Variants in SPAG16 observed in about 807,000 individuals in gnomAD.
The protein encoded by SPAG16 is sperm-associated antigen 16 protein.
In SPAG16, 86 loss-of-function variants were observed where a neutral mutation model predicts 80.4. The observed-to-expected ratio is 1.07, with a 90% CI of 0.90 to 1.28. The LOEUF is 1.28. Ranked by LOEUF, SPAG16 falls within the 50% of genes most tolerant of loss-of-function variation. The probability of loss-of-function intolerance (pLI) is 0.00; values close to 1 mark genes in which losing one functional copy is unlikely to be tolerated. For synonymous variants in SPAG16, 294 were observed against 265.9 expected, an observed-to-expected ratio of 1.11 and a Z score of -1.03; for missense variants, 870 against 765.3, an observed-to-expected ratio of 1.14 and a Z score of -1.61.
chr2:213,589,921 CAAA>C (rs35341781), intron 10 of SPAG16, among the ~76,000 whole-genome samples: 6 of 138,718 alleles, frequency 4.3e-5, no homozygotes, highest in Admixed American at 7.3e-5. Context: ...AACTCCATCT[CAAA>C]AAAAAAAAAA....
At chr2:213,975,609 A>G (rs1219099626) in intron 12 of SPAG16, among the ~76,000 whole-genome samples, 1 of 152,008 alleles carries the variant, frequency 6.6e-6, no homozygotes, top group East Asian at 1.9e-4. Context: ...TATCAATAAT[A>G]ATGTAGCGGG....
chr2:213,906,062 G>A (rs958212179), intron 11 of SPAG16, among the ~76,000 whole-genome samples: 1 of 152,086 alleles, frequency 6.6e-6, no homozygotes, highest in Admixed American at 6.6e-5. Flanking sequence ...ACCAGCAACA[G>A]ACAGGAAGGT....
At chr2:213,842,159 C>A (rs1048077881) in intron 10 of SPAG16, among the ~76,000 whole-genome samples, 2 of 151,942 alleles carry the variant, frequency 1.3e-5, no homozygotes, top group African/African-American at 2.4e-5. Context: ...ATTTTCTTTC[C>A]TGAATTCACA....
At chr2:214,073,641 T>A (rs887450614) in intron 13 of SPAG16, among the ~76,000 whole-genome samples, 1 of 152,182 alleles carries the variant, frequency 6.6e-6, no homozygotes, top group Non-Finnish European at 1.5e-5. Context: ...TCTATAAATT[T>A]AGTGAAATAC....
At chr2:213,724,125 A>G (rs1477852961) in intron 10 of SPAG16, among the ~76,000 whole-genome samples, 1 of 152,180 alleles carries the variant, frequency 6.6e-6, no homozygotes, top group African/African-American at 2.4e-5. Context: ...CCAAGTAACT[A>G]TTTTTACTTG....
At chr2:214,053,437 C>G (rs1188759931) in intron 13 of SPAG16, among the ~76,000 whole-genome samples, 2 of 152,156 alleles carry the variant, frequency 1.3e-5, no homozygotes, top group Non-Finnish European at 2.9e-5. Flanking sequence ...TACCATATCT[C>G]AGACCCTTTG....
chr2:214,124,474 A>T (rs1433998916), intron 14 of SPAG16, among the ~76,000 whole-genome samples: 3 of 151,876 alleles, frequency 2.0e-5, no homozygotes, highest in Non-Finnish European at 4.4e-5. Flanking sequence ...AGTATAAAAA[A>T]CTACATGTAT....
chr2:214,221,604 ATTTGTTTTTTTGAATGCATCTC>A (rs1404834667), intron 15 of SPAG16, among the ~76,000 whole-genome samples: 1 of 152,128 alleles, frequency 6.6e-6, no homozygotes, highest in African/African-American at 2.4e-5. Flanking sequence ...AAGAGTAAAT[ATTTGTTTTTTTGAATGCATCTC>A]TTTAGCTTTT....
Position 213,340,047 on chromosome 2 carries a change from A to G in SPAG16, c.537-116A>G, listed in dbSNP as rs1388775816. 7.5e-6 allele frequency: 5 copies of G among 664,502 alleles called. No homozygotes were observed. The Admixed American group carries it at 1.2e-4, about 16-fold the overall frequency. The allele number at this position is 664,502 out of a possible 1,614,324, so 41.2% of individuals were successfully genotyped here. ...GAATCTTCGATGAGAATTATAGCAA[A>G]ATATTTGTTTTCCTATTATCTTTTG... On this transcript the variant is annotated intron_variant, in intron 5 of 15. Coordinates refer to ENST00000331683, the MANE Select transcript of SPAG16 (RefSeq NM_024532.5).
At chr2:213,956,479 A>G (rs1263579232) in intron 12 of SPAG16, among the ~76,000 whole-genome samples, 2 of 122,342 alleles carry the variant, frequency 1.6e-5, no homozygotes, top group Admixed American at 2.0e-4. Context: ...GCAGGGTCTC[A>G]CTCTGTCACC....
At chr2:213,675,457 G>C (rs2064013074) in intron 10 of SPAG16, among the ~76,000 whole-genome samples, 1 of 152,120 alleles carries the variant, frequency 6.6e-6, no homozygotes, top group Non-Finnish European at 1.5e-5. Flanking sequence ...TGAAGTCCTT[G>C]CCCATGCCTA....
intron 9 of SPAG16, among the ~76,000 whole-genome samples, chr2:213,390,146 C>A (rs2067666483): frequency 6.6e-6 from 1 of 152,092 alleles, no homozygotes; most frequent in Admixed American, 6.5e-5. Context: ...AAGACAAATA[C>A]TATATGATTC....
At chr2:214,027,119 C>T (rs2048171735) in intron 13 of SPAG16, among the ~76,000 whole-genome samples, 1 of 151,396 alleles carries the variant, frequency 6.6e-6, no homozygotes, top group Non-Finnish European at 1.5e-5. Context: ...TTTAAAAGTA[C>T]TTAGAAACAC....
intron 10 of SPAG16, among the ~76,000 whole-genome samples, chr2:213,536,588 A>C (rs2125902501): frequency 6.6e-6 from 1 of 152,294 alleles, no homozygotes; most frequent in East Asian, 1.9e-4. Flanking sequence ...AGTGATGGTG[A>C]GCATTTTTTC....
intron 10 of SPAG16, among the ~76,000 whole-genome samples, chr2:213,661,015 T>C (rs1284276791): frequency 1.3e-5 from 2 of 152,290 alleles, no homozygotes; most frequent in East Asian, 3.9e-4. Context: ...TCTCATTCCT[T>C]TGACTCTGCC....
chr2:213,448,845 A>G (rs547252481), intron 9 of SPAG16, among the ~76,000 whole-genome samples: 25 of 152,280 alleles, frequency 1.6e-4, no homozygotes, highest in African/African-American at 5.8e-4. Context: ...ATTGTAAAAC[A>G]TGTGAGTTTG....
At chr2:213,890,005 T>C (rs2076726931) in intron 11 of SPAG16, among the ~76,000 whole-genome samples, 2 of 152,016 alleles carry the variant, frequency 1.3e-5, no homozygotes, top group African/African-American at 4.8e-5. Context: ...ATGAAATAAT[T>C]ATAATATGAA....
chr2:214,271,960 A>G (rs958055569), intron 15 of SPAG16, among the ~76,000 whole-genome samples: 1 of 151,960 alleles, frequency 6.6e-6, no homozygotes, highest in South Asian at 2.1e-4. Flanking sequence ...TTAACTATAT[A>G]TGTGATTCTC....
intron 10 of SPAG16, among the ~76,000 whole-genome samples, chr2:213,772,643 A>G (rs996241144): frequency 6.6e-6 from 1 of 152,134 alleles, no homozygotes; most frequent in Non-Finnish European, 1.5e-5. Context: ...TCTGATTAGT[A>G]TAACTTTATA....
Sources: gnomAD v4.1 joint callset for allele counts (sites outside exome capture counted in the v4.1 genomes callset) on GRCh38, gnomAD v4.1.1 for gene constraint, MANE v1.5 for transcripts, NCBI Gene and HGNC (gene_info 2026-07-23, HGNC 2026-07-21) for gene names.